The following PCDHGA6 variants were observed in gnomAD, a reference collection of about 807,000 sequenced individuals.
PCDHGA6 encodes protocadherin gamma subfamily A, 6.
A neutral mutation model predicts 60.6 loss-of-function variants in PCDHGA6; 41 were observed. That is an observed-to-expected ratio of 0.68 (90% confidence interval 0.53 to 0.88). The LOEUF is 0.88. PCDHGA6 is among the 40% of genes least tolerant of loss of function. PCDHGA6 has a pLI of 0.00. For missense variants in PCDHGA6, 1,312 were observed against 1,203.0 expected, an observed-to-expected ratio of 1.09 and a Z score of -1.34; for synonymous variants, 594 against 524.4, an observed-to-expected ratio of 1.13 and a Z score of -1.81.
At chr5:141,433,612 G>A (rs1181458593) in intron 1 of PCDHGA6, among the ~76,000 whole-genome samples, 1 of 152,082 alleles carries the variant, frequency 6.6e-6, no homozygotes, top group Non-Finnish European at 1.5e-5. Context: ...GAGGCGGGTG[G>A]ATCACCTGAG....
At position 141,415,266 on chromosome 5, in the gene PCDHGA6, G is replaced by C. The variant is rs371754316; in HGVS notation, c.2424+38759G>C. 49 of 1,614,100 alleles carry C rather than the reference G, an allele frequency of 3.0e-5. No individual in the cohort carries two copies. The African/African-American group carries it at 6.4e-4, about 21-fold the overall frequency. On this transcript the variant is annotated intron_variant, in intron 1 of 3. Transcript: ENST00000517434. ...AAACCTCAGACCTCACTCTGTACCT[G>C]GTGGTAGCGGTGGCCGCGGTCTCCT...
chr5:141,381,910 A>G (rs1007248325), intron 1 of PCDHGA6, among the ~76,000 whole-genome samples: 10 of 130,320 alleles, frequency 7.7e-5, no homozygotes, highest in Admixed American at 5.1e-4. Context: ...GCTCACCACA[A>G]CCTCCACCTC....
At chr5:141,402,096 A>G (rs1343417374) in intron 1 of PCDHGA6, among the ~76,000 whole-genome samples, 2 of 152,226 alleles carry the variant, frequency 1.3e-5, no homozygotes, top group Non-Finnish European at 2.9e-5. Context: ...GAAAAGTTTA[A>G]GCAATTACAA....
At chr5:141,401,533 C>CA (rs902946394) in intron 1 of PCDHGA6, among the ~76,000 whole-genome samples, 5 of 151,672 alleles carry the variant, frequency 3.3e-5, no homozygotes, top group Admixed American at 6.6e-5. Flanking sequence ...AAGAAACTTA[C>CA]AAAAAAAAGG....
chr5:141,465,782 T>G (rs2099109563), intron 1 of PCDHGA6, among the ~76,000 whole-genome samples: 1 of 152,076 alleles, frequency 6.6e-6, no homozygotes, highest in African/African-American at 2.4e-5. Flanking sequence ...TGTTACAGTT[T>G]TTTTTTTTTT....
intron 1 of PCDHGA6, among the ~76,000 whole-genome samples, chr5:141,468,046 C>T (rs540273405): frequency 1.3e-4 from 20 of 152,174 alleles, no homozygotes; most frequent in Non-Finnish European, 2.8e-4. Flanking sequence ...AAAACTAAGC[C>T]GGGCACAGTG....
intron 1 of PCDHGA6, chr5:141,422,726 T>C: frequency 5.6e-6 from 9 of 1,605,994 alleles, no homozygotes; most frequent in African/African-American, 4.0e-5. Flanking sequence ...GTCCAGGGGG[T>C]GCCTCTGTCC....
chr5:141,390,561 G>A (rs921631416), intron 1 of PCDHGA6: 1 of 436,212 alleles, frequency 2.3e-6, no homozygotes, highest in African/African-American at 2.0e-5. Flanking sequence ...TTAGACAGTT[G>A]TTGGCTCTCT....
intron 1 of PCDHGA6, chr5:141,390,038 C>T: frequency 1.9e-6 from 3 of 1,614,060 alleles, no homozygotes; most frequent in Non-Finnish European, 2.5e-6. Flanking sequence ...GCTCCTCCAG[C>T]CCCGCCTCCT....
chr5:141,389,085 A>T (rs2091598298), intron 1 of PCDHGA6: 6 of 1,614,054 alleles, frequency 3.7e-6, no homozygotes, highest in Non-Finnish European at 5.1e-6. Context: ...AAACACGTAT[A>T]AATTAGTGAC....
At position 141,491,318 on chromosome 5, in the gene PCDHGA6, A is replaced by C; in HGVS notation, c.2425-3489A>C. The C allele has an allele frequency of 6.2e-7, 1 of 1,613,862 alleles. No individual in the cohort carries two copies. The highest frequency in any genetic ancestry group is 8.5e-7 in the Non-Finnish European group (1 of 1,179,916). On this transcript the variant is annotated intron_variant, in intron 1 of 3. Transcript: ENST00000517434. The surrounding 1 kb of genome is among the most constrained non-coding windows in gnomAD (Gnocchi z 6.9). ...CCTGAGCGTTCAGACCTTACCCTTT[A>C]CCTCATTGTGGCTCTAGCGACCGTC...
chr5:141,395,558 G>C (rs60237573), intron 1 of PCDHGA6: 1 of 127,872 alleles, frequency 7.8e-6, no homozygotes, highest in Non-Finnish European at 1.4e-5. Flanking sequence ...GTGTGTGTGT[G>C]TGTGTGTGTG....
In PCDHGA6 at chr5:141,448,771, T is replaced by C. The variant is rs564309379; in HGVS notation, c.2425-46036T>C. Among the ~76,000 whole-genome samples the C allele has an allele frequency of 6.6e-4, 100 of 151,738 alleles. 1 individual carries two copies. The highest frequency in any genetic ancestry group is 6.8e-3 in the Middle Eastern group (2 of 294). On this transcript the variant is annotated intron_variant, in intron 1 of 3. Coordinates refer to ENST00000517434, the MANE Select transcript of PCDHGA6 (RefSeq NM_018919.3). ...CTGGCTAACACGGTGAAACCCCGTCTGTACTAAAAATACAAAAAAAAAAAT... is the reference window on the plus strand; with the variant it reads ...CTGGCTAACACGGTGAAACCCCGTCCGTACTAAAAATACAAAAAAAAAAAT...
Position 141,414,630 on chromosome 5 carries a change from C to A in PCDHGA6, c.2424+38123C>A. On this transcript the variant is annotated intron_variant, in intron 1 of 3. Coordinates refer to ENST00000517434, the MANE Select transcript of PCDHGA6 (RefSeq NM_018919.3). ...CAGTGACAGCGCTGGACCCGGACAG[C>A]AAAGAGAATGCCCAGATTATTTACT... 2 of 1,613,980 alleles carry A rather than the reference C, an allele frequency of 1.2e-6. No individual in the cohort carries two copies. Among genetic ancestry groups the A allele is most frequent in the Non-Finnish European group, 1.7e-6 (2 of 1,179,892 alleles).
chr5:141,486,884 C>G lies in PCDHGA6; in HGVS notation c.2425-7923C>G, dbSNP rs1272694679. On this transcript the variant is annotated intron_variant, in intron 1 of 3. Transcript: ENST00000517434. The surrounding 1 kb of genome is among the most constrained non-coding windows in gnomAD (Gnocchi z 5.0). ...TCCAGCTGTGCTCCGTCCTCGGGCC[C>G]GGCCTGGTTCCTTATGTCCCCAAGC... The G allele has an allele frequency of 6.2e-7, 1 of 1,614,224 alleles. No homozygotes were observed. The highest frequency in any genetic ancestry group is 8.5e-7 in the Non-Finnish European group (1 of 1,180,046).
At chr5:141,451,954 G>A (rs2098729151) in intron 1 of PCDHGA6, among the ~76,000 whole-genome samples, 1 of 152,084 alleles carries the variant, frequency 6.6e-6, no homozygotes, top group Non-Finnish European at 1.5e-5. Flanking sequence ...CCGAGAAAGT[G>A]ACATACCATC....
At chr5:141,435,730 T>C (rs913229799) in intron 1 of PCDHGA6, among the ~76,000 whole-genome samples, 1 of 152,226 alleles carries the variant, frequency 6.6e-6, no homozygotes, top group African/African-American at 2.4e-5. Context: ...TAAAGTGTAT[T>C]ACTCTTTGAA....
At chr5:141,420,006 G>C (rs2096458103) in intron 1 of PCDHGA6, 2 of 1,613,934 alleles carry the variant, frequency 1.2e-6, no homozygotes, top group Admixed American at 3.3e-5. Flanking sequence ...CTACGCCTGC[G>C]ACAGTCTTTC....
intron 1 of PCDHGA6, among the ~76,000 whole-genome samples, chr5:141,481,049 C>A (rs1165894624): frequency 1.3e-5 from 2 of 152,096 alleles, no homozygotes; most frequent in Non-Finnish European, 2.9e-5. Context: ...CAGAGCGAGA[C>A]TCCACCTCAA....
Sources: allele counts gnomAD v4.1 joint callset (sites outside exome capture counted in the v4.1 genomes callset), GRCh38; gene constraint gnomAD v4.1.1; non-coding constraint Gnocchi (gnomAD v3.1); transcripts MANE v1.5; gene names NCBI Gene and HGNC (gene_info 2026-07-23, HGNC 2026-07-21).